DLG2: variants seen among roughly 807,000 people sequenced by gnomAD.
DLG2 encodes the protein disks large homolog 2.
In DLG2, 45 loss-of-function variants were observed where a neutral mutation model predicts 132.5. The observed-to-expected ratio is 0.34, with a 90% confidence interval of 0.27 to 0.44. The LOEUF is 0.44. DLG2 is among the 20% of genes least tolerant of loss of function. DLG2 has a pLI of 1.00. For missense variants in DLG2, 1,045 were observed against 1,196.9 expected (o/e 0.87, Z 1.87); for synonymous variants, 424 against 419.6 (o/e 1.01, Z -0.13).
At chr11:84,438,369 G>T (rs962744056) in intron 7 of DLG2, among the ~76,000 whole-genome samples, 15 of 152,108 alleles carry the variant, frequency 9.9e-5, no homozygotes, top group African/African-American at 3.6e-4. Flanking sequence ...AAGAACTGAG[G>T]CCTCTATTAC....
intron 22 of DLG2, among the ~76,000 whole-genome samples, chr11:83,482,743 T>TAGAGA (rs2093224649): frequency 1.3e-5 from 2 of 152,172 alleles, no homozygotes; most frequent in Admixed American, 6.6e-5. Context: ...AATTTGCTTT[T>TAGAGA]AGAGAATGCA....
intron 18 of DLG2, among the ~76,000 whole-genome samples, chr11:83,750,304 G>A (rs572528158): frequency 2.0e-5 from 3 of 152,242 alleles, no homozygotes; most frequent in East Asian, 1.9e-4. Flanking sequence ...TAATGACCAC[G>A]TATAATACTA....
intron 6 of DLG2, among the ~76,000 whole-genome samples, chr11:85,070,745 T>A (rs552223713): frequency 4.5e-4 from 69 of 151,864 alleles, no homozygotes; most frequent in African/African-American, 1.2e-3. Context: ...GAAGAATGAA[T>A]CCTCTCCCAC....
intron 7 of DLG2, among the ~76,000 whole-genome samples, chr11:84,463,908 G>C (rs1158955154): frequency 6.6e-6 from 1 of 151,220 alleles, no homozygotes; most frequent in Non-Finnish European, 1.5e-5. Context: ...AAAGGGAGAA[G>C]GGGGAATGTA....
At chr11:85,381,766 T>A (rs190741112) in intron 3 of DLG2, among the ~76,000 whole-genome samples, 3,086 of 152,192 alleles carry the variant, frequency 0.02, 61 homozygotes, top group Admixed American at 0.037. Flanking sequence ...AATTTTTTTT[T>A]AAATTATTAA....
intron 6 of DLG2, among the ~76,000 whole-genome samples, chr11:85,090,548 T>C (rs2068601125): frequency 6.6e-6 from 1 of 152,228 alleles, no homozygotes; most frequent in Non-Finnish European, 1.5e-5. Flanking sequence ...TGACAAATAC[T>C]TTTTGGATCT....
intron 6 of DLG2, among the ~76,000 whole-genome samples, chr11:85,094,584 A>G (rs886215966): frequency 1.3e-5 from 2 of 152,192 alleles, no homozygotes; most frequent in Non-Finnish European, 2.9e-5. Context: ...CTTAAACCTC[A>G]TGAAGCAACA....
intron 7 of DLG2, among the ~76,000 whole-genome samples, chr11:84,533,928 A>C (rs1208996662): frequency 1.6e-4 from 24 of 150,298 alleles, no homozygotes; most frequent in African/African-American, 5.9e-4. Flanking sequence ...AAAAAAAAAA[A>C]AAAAAAAAAT....
At position 85,291,878 on chromosome 11, in the gene DLG2, C is replaced by T. The variant is rs554643468; in HGVS notation, c.41-6513G>A. Among the ~76,000 whole-genome samples, 88 of 152,210 alleles carry T rather than the reference C, an allele frequency of 5.8e-4. 1 individual carries two copies. The highest frequency in any genetic ancestry group is 1.9e-3 in the African/African-American group (77 of 41,542). On this transcript the variant is annotated intron_variant, in intron 3 of 27. Transcript: ENST00000376104. ...GGGATTACAGGCATAAGCCACCACG[C>T]CTGGCCAGGATTCTCTTCTTACAGC...
chr11:83,699,888 T>C (rs977717214), intron 18 of DLG2, among the ~76,000 whole-genome samples: 14 of 150,046 alleles, frequency 9.3e-5, no homozygotes, highest in Non-Finnish European at 2.1e-4. Context: ...TTTCTATGTA[T>C]GTATGTATGT....
chr11:85,172,776 A>C (rs1412312587), intron 4 of DLG2, among the ~76,000 whole-genome samples: 2 of 152,204 alleles, frequency 1.3e-5, no homozygotes, highest in African/African-American at 4.8e-5. Context: ...TAGTGGGAAC[A>C]TAATAGATCT....
intron 2 of DLG2, among the ~76,000 whole-genome samples, chr11:85,612,948 G>A (rs764837639): frequency 3.3e-5 from 5 of 152,118 alleles, no homozygotes; most frequent in South Asian, 2.1e-4. Flanking sequence ...CAAAACTACC[G>A]AGGCCTAGAC....
At chr11:85,618,910 C>T (rs2081519017) in intron 2 of DLG2, among the ~76,000 whole-genome samples, 1 of 152,078 alleles carries the variant, frequency 6.6e-6, no homozygotes, top group Non-Finnish European at 1.5e-5. Flanking sequence ...TTCCAAAAAC[C>T]CAGAAGTTCA....
At chr11:84,771,922 A>G (rs935015201) in intron 6 of DLG2, among the ~76,000 whole-genome samples, 19 of 152,176 alleles carry the variant, frequency 1.2e-4, no homozygotes, top group African/African-American at 4.6e-4. Flanking sequence ...CTAAACACAA[A>G]TAACATTGAA....
intron 7 of DLG2, among the ~76,000 whole-genome samples, chr11:84,375,761 C>T (rs2098726544): frequency 6.6e-6 from 1 of 151,870 alleles, no homozygotes; most frequent in Non-Finnish European, 1.5e-5. Flanking sequence ...ACATCTCTAC[C>T]TCTGCTTTGT....
At chr11:85,476,593 T>C (rs1270153206) in intron 3 of DLG2, among the ~76,000 whole-genome samples, 1 of 152,116 alleles carries the variant, frequency 6.6e-6, no homozygotes, top group African/African-American at 2.4e-5. Context: ...TATCCTTATT[T>C]TATGAGATTT....
chr11:84,220,253 A>G (rs1187868717), intron 8 of DLG2, among the ~76,000 whole-genome samples: 1 of 152,158 alleles, frequency 6.6e-6, no homozygotes, highest in Non-Finnish European at 1.5e-5. Flanking sequence ...CCTAGACAAA[A>G]TTCCTTATGG....
chr11:83,728,976 C>T (rs2090512268), intron 18 of DLG2, among the ~76,000 whole-genome samples: 1 of 152,044 alleles, frequency 6.6e-6, no homozygotes, highest in African/African-American at 2.4e-5. Flanking sequence ...AAATTCTTTC[C>T]TTCTACAATG....
Position 83,478,879 on chromosome 11 carries a change from C to T in DLG2, c.2293+5250G>A, listed in dbSNP as rs549452906. Among the ~76,000 whole-genome samples the T allele has an allele frequency of 1.3e-4, 20 of 151,954 alleles. 1 individual carries two copies. The South Asian group carries it at 4.2e-3, about 32-fold the overall frequency. ...GAGGGCAGCTTAGGTGTTATTAACA[C>T]AAGCTTTGGTCAATTCTTCTTGGCT... is the stretch of plus-strand genomic sequence containing the variant. On this transcript the variant is annotated intron_variant, in intron 22 of 27. Coordinates refer to ENST00000376104, the MANE Select transcript of DLG2 (RefSeq NM_001142699.3).
Sources: gnomAD v4.1 joint callset for allele counts (sites outside exome capture counted in the v4.1 genomes callset) on GRCh38, gnomAD v4.1.1 for gene constraint, MANE v1.5 for transcripts, NCBI Gene and HGNC (gene_info 2026-07-23, HGNC 2026-07-21) for gene names.